The following DPYS variants were observed in gnomAD, a reference collection of about 807,000 sequenced individuals.
DPYS encodes dihydropyrimidinase.
Under a neutral mutation model 50.3 loss-of-function variants are expected in DPYS, and 39 were observed. The ratio of observed to expected loss-of-function variants is 0.78; its 90% CI spans 0.60 to 1.01. The LOEUF (loss-of-function observed/expected upper bound fraction) is 1.01, where lower values mean the gene tolerates loss of function less well. DPYS is among the 50% of genes least tolerant of loss of function. The pLI is 0.00. For missense variants in DPYS, 659 were observed against 680.9 expected, an observed-to-expected ratio of 0.97 and a Z score of 0.36; for synonymous variants, 245 against 250.7, an observed-to-expected ratio of 0.98 and a Z score of 0.22.
At chr8:104,410,272 A>G (rs899596145) in intron 7 of DPYS, among the ~76,000 whole-genome samples, 3 of 152,008 alleles carry the variant, frequency 2.0e-5, no homozygotes, top group Non-Finnish European at 4.4e-5. Flanking sequence ...CTCCTACAAT[A>G]GCCTCCTGAC....
Position 104,403,501 on chromosome 8 carries a change from C to T in DPYS, c.1236-10510G>A, listed in dbSNP as rs536395034. Among the ~76,000 whole-genome samples, 155 of 152,216 alleles carry T rather than the reference C, an allele frequency of 1.0e-3. 1 individual carries two copies. Among genetic ancestry groups the T allele is most frequent in the East Asian group, 2.3e-3 (12 of 5,180 alleles). On this transcript the variant is annotated intron_variant, in intron 7 of 9. Transcript: ENST00000351513. ...GAGCTCTGGGAGCAAGGATCTCTGC[C>T]GCCAGTAACAGAATGGCTAGACTGT...
chr8:104,448,300 C>T (rs868795519), intron 2 of DPYS, among the ~76,000 whole-genome samples: 28 of 152,008 alleles, frequency 1.8e-4, no homozygotes, highest in Middle Eastern at 3.4e-3. Flanking sequence ...GGATTACAGG[C>T]GTGCACCACC....
intron 7 of DPYS, among the ~76,000 whole-genome samples, chr8:104,401,092 C>T (rs542481584): frequency 1.2e-4 from 19 of 152,096 alleles, no homozygotes; most frequent in Non-Finnish European, 2.2e-4. Context: ...ATATTCTCTC[C>T]CACTCAGGCA....
chr8:104,424,464 G>T, intron 6 of DPYS, 75 bp from the exon 7 acceptor site: 7 of 1,494,326 alleles, frequency 4.7e-6, no homozygotes, highest in Non-Finnish European at 6.4e-6. Flanking sequence ...GACAAGACTT[G>T]CATCTCTTAA....
chr8:104,406,885 CCTGA>C (rs1282950217), intron 7 of DPYS, among the ~76,000 whole-genome samples: 4 of 152,128 alleles, frequency 2.6e-5, no homozygotes, highest in African/African-American at 9.7e-5. Context: ...CTGATTGAAC[CCTGA>C]CTAATATATC....
chr8:104,435,506 G>T (rs1353938879), intron 4 of DPYS, among the ~76,000 whole-genome samples: 1 of 151,410 alleles, frequency 6.6e-6, no homozygotes, highest in Admixed American at 6.6e-5. Context: ...CCCATTGAAA[G>T]TAATGGCAAA....
At position 104,425,370 on chromosome 8, in the gene DPYS, C is replaced by T. The variant is rs542483377; in HGVS notation, c.1093-981G>A. On this transcript the variant is annotated intron_variant, in intron 6 of 9. Coordinates refer to ENST00000351513, the MANE Select transcript of DPYS (RefSeq NM_001385.3). The stretch of plus-strand genomic sequence containing the variant: ...CTGCCTCCCAAGCATTAGGTTGGTG[C>T]GAAAGCAATCTGTTTTGCCATCACT... Among the ~76,000 whole-genome samples, 11 of 152,108 alleles carry T rather than the reference C, an allele frequency of 7.2e-5. No homozygotes were observed. The South Asian group carries it at 1.7e-3, about 23-fold the overall frequency.
chr8:104,405,594 G>A (rs1305791639), intron 7 of DPYS, among the ~76,000 whole-genome samples: 1 of 152,220 alleles, frequency 6.6e-6, no homozygotes, highest in Non-Finnish European at 1.5e-5. Context: ...CTCAGCCTCA[G>A]GGTCCCAATT....
At chr8:104,384,375 T>C (rs1410645618) in intron 8 of DPYS, among the ~76,000 whole-genome samples, 1 of 152,238 alleles carries the variant, frequency 6.6e-6, no homozygotes, top group Non-Finnish European at 1.5e-5. Flanking sequence ...CTTCTGGCAT[T>C]GTTCTCTGGG....
chr8:104,455,413 A>C (rs533661962), intron 1 of DPYS, among the ~76,000 whole-genome samples: 1 of 152,346 alleles, frequency 6.6e-6, no homozygotes, highest in African/African-American at 2.4e-5. Context: ...GATTGTTTTC[A>C]GTTGCGAAGG....
chr8:104,422,105 C>T (rs545419383), intron 7 of DPYS, among the ~76,000 whole-genome samples: 116 of 152,254 alleles, frequency 7.6e-4, no homozygotes, highest in Middle Eastern at 3.4e-3. Context: ...AAACGGCAGA[C>T]GAGGGCTCCC....
chr8:104,418,679 T>G (rs1812451017), intron 7 of DPYS: 2 of 152,338 alleles, frequency 1.3e-5, no homozygotes, highest in African/African-American at 4.8e-5. Flanking sequence ...CACCTCCATG[T>G]TTAGTCTTGA....
intron 4 of DPYS, among the ~76,000 whole-genome samples, chr8:104,437,186 C>T (rs1421870190): frequency 6.6e-6 from 1 of 152,140 alleles, no homozygotes; most frequent in African/African-American, 2.4e-5. Context: ...AGAATCAAAG[C>T]TCAGTCGTCA....
intron 8 of DPYS, among the ~76,000 whole-genome samples, chr8:104,391,505 C>T (rs566256222): frequency 5.3e-5 from 8 of 152,308 alleles, no homozygotes; most frequent in Admixed American, 2.0e-4. Flanking sequence ...CCCCGGCCCC[C>T]ATATCCAGAA....
Position 104,408,809 on chromosome 8 carries a change from T to C in DPYS, c.1235+15438A>G, listed in dbSNP as rs185366023. ...TACATTTGGATCCTCCAAACATGTT[T>C]TTTTGTTTGTTTTTTTTTTTTGAGA... is the stretch of plus-strand genomic sequence containing the variant. On this transcript the variant is annotated intron_variant, in intron 7 of 9. Coordinates refer to ENST00000351513, the MANE Select transcript of DPYS (RefSeq NM_001385.3). 4.4e-3 allele frequency among the ~76,000 whole-genome samples: 631 copies of C among 144,728 alleles called. 2 individuals carry two copies. Among genetic ancestry groups the C allele is most frequent in the Non-Finnish European group, 8.7e-3 (551 of 63,538 alleles). 94.9% of individuals were successfully genotyped at this position (144,728 alleles called of 152,430 possible). A position where few individuals can be genotyped will look rare whatever the true frequency, so the allele number is the denominator to read the frequency against.
chr8:104,406,190 T>C (rs1811990607), intron 7 of DPYS, among the ~76,000 whole-genome samples: 1 of 152,142 alleles, frequency 6.6e-6, no homozygotes, highest in Non-Finnish European at 1.5e-5. Context: ...AGCTCTGCAG[T>C]GGTTAAAAGT....
At chr8:104,398,018 T>C (rs1276508129) in intron 7 of DPYS, among the ~76,000 whole-genome samples, 3 of 152,282 alleles carry the variant, frequency 2.0e-5, no homozygotes, top group African/African-American at 7.2e-5. Flanking sequence ...TGGTCCATTA[T>C]TGGAACAAAC....
chr8:104,380,235 C>T (rs1356877553), intron 9 of DPYS, among the ~76,000 whole-genome samples: 1 of 152,156 alleles, frequency 6.6e-6, no homozygotes, highest in African/African-American at 2.4e-5. Context: ...AAGAGGTTGT[C>T]AAAATGTGAA....
In DPYS at chr8:104,424,398, C is replaced by T. The variant is rs745926279; in HGVS notation, c.1093-9G>A. The T allele has an allele frequency of 6.2e-7, 1 of 1,613,060 alleles. No homozygotes were observed. Among genetic ancestry groups the T allele is most frequent in the East Asian group, 2.2e-5 (1 of 44,852 alleles). On this transcript the variant is annotated splice_polypyrimidine_tract_variant and intron_variant, in intron 6 of 9. Transcript: ENST00000351513. ...TCCATTTTACCACTATGCTGTAAAGCAATTCAAAGAATCATTCTAATGATC... is the reference window on the plus strand; with the variant it reads ...TCCATTTTACCACTATGCTGTAAAGTAATTCAAAGAATCATTCTAATGATC...
Sources: allele counts gnomAD v4.1 joint callset (sites outside exome capture counted in the v4.1 genomes callset), GRCh38; gene constraint gnomAD v4.1.1; transcripts MANE v1.5; gene names NCBI Gene and HGNC (gene_info 2026-07-23, HGNC 2026-07-21).